DNAAF9: variants seen among roughly 807,000 people sequenced by gnomAD.
DNAAF9 encodes dynein axonemal assembly factor 9, also known as shulin.
Under a neutral mutation model 167.0 loss-of-function variants are expected in DNAAF9, and 90 were observed. That is an observed-to-expected ratio of 0.54 (90% CI 0.45 to 0.64). DNAAF9 has a LOEUF of 0.64. Among genes scored for constraint, DNAAF9 ranks in the 30% least tolerant of loss-of-function variants. The probability of loss-of-function intolerance (pLI) is 0.00; values close to 1 mark genes in which losing one functional copy is unlikely to be tolerated. For missense variants in DNAAF9, 1,315 were observed against 1,442.2 expected (o/e 0.91, Z 1.43); for synonymous variants, 491 against 508.8 (o/e 0.96, Z 0.47).
intron 20 of DNAAF9, chr20:3,306,935 C>T (rs2069308655): frequency 1.0e-6 from 1 of 985,220 alleles, no homozygotes; most frequent in African/African-American, 1.7e-5. Context: ...GAAACTGCTC[C>T]TGCTGCTGAG....
chr20:3,328,404 A>C (rs138437742), intron 12 of DNAAF9, among the ~76,000 whole-genome samples: 3 of 151,798 alleles, frequency 2.0e-5, no homozygotes, highest in African/African-American at 7.2e-5. Context: ...TTGGTTTCGA[A>C]CTCCTGACCT....
At chr20:3,355,998 A>T (rs564122549) in intron 7 of DNAAF9, among the ~76,000 whole-genome samples, 1 of 152,114 alleles carries the variant, frequency 6.6e-6, no homozygotes, top group East Asian at 1.9e-4. Context: ...TCATCACTAC[A>T]TTAAAACGTT....
At chr20:3,303,947 G>A (rs79020562) in intron 21 of DNAAF9, among the ~76,000 whole-genome samples, 5,201 of 152,324 alleles carry the variant, frequency 0.034, 140 homozygotes, top group African/African-American at 0.071. Flanking sequence ...TGAGGGAGGA[G>A]GGGCTAAACT....
rs1270639482 is a variant in DNAAF9, at chr20:3,384,950, A to G, written c.84-2444T>C. The stretch of plus-strand genomic sequence containing the variant: ...CAGAATTGATGGATATCCCAACTAC[A>G]CTAATTTGATCTTTATAAATTATAT... On this transcript the variant is annotated intron_variant, in intron 1 of 36. Transcript: ENST00000252032. Among the ~76,000 whole-genome samples, 3 of 152,156 alleles carry G rather than the reference A, an allele frequency of 2.0e-5. No homozygotes were observed. The East Asian group carries it at 5.8e-4, about 29-fold the overall frequency.
chr20:3,351,265 G>A (rs1423874176), intron 7 of DNAAF9, among the ~76,000 whole-genome samples: 2 of 152,122 alleles, frequency 1.3e-5, no homozygotes, highest in African/African-American at 4.8e-5. Context: ...GGCTAAGGCA[G>A]GCCTTAGCAC....
At chr20:3,312,272 G>A (rs964865582) in intron 20 of DNAAF9, among the ~76,000 whole-genome samples, 2 of 152,118 alleles carry the variant, frequency 1.3e-5, no homozygotes, top group African/African-American at 4.8e-5. Flanking sequence ...ACAGGCATGA[G>A]CCACCACACC....
In DNAAF9 at chr20:3,348,654, T is replaced by G. The variant is rs770461403; in HGVS notation, c.691-31A>C. On this transcript the variant is annotated intron_variant, in intron 7 of 36. Transcript: ENST00000252032. ...AAAAAAAGGAAAAAGATAACGTGTT[T>G]GGTCATATAAAGGAGGTATTTTAGA... The G allele has an allele frequency of 2.1e-6, 3 of 1,403,734 alleles. No individual in the cohort carries two copies. In the East Asian group the frequency reaches 6.9e-5, roughly 32 times the overall value. The allele number at this position is 1,403,734 out of a possible 1,614,324, so 87.0% of individuals were successfully genotyped here.
chr20:3,335,385 T>C (rs1279246498), intron 10 of DNAAF9, among the ~76,000 whole-genome samples: 8 of 152,200 alleles, frequency 5.3e-5, no homozygotes, highest in African/African-American at 1.9e-4. Context: ...ACAACTCTTC[T>C]CTTTCAGCAT....
rs1186212528 is a variant in DNAAF9, at chr20:3,316,798, AG to A, written c.1469-6del. The A allele has an allele frequency of 6.2e-7, 1 of 1,611,234 alleles. No homozygotes were observed. The highest frequency in any genetic ancestry group is 2.2e-5 in the East Asian group (1 of 44,826). On this transcript the variant is annotated splice_polypyrimidine_tract_variant and splice_region_variant and intron_variant, in intron 17 of 36. Transcript: ENST00000252032. ...TTTCTGTGGTAACAGTGCCATCTGCAGGAACACCACACACATGCCAGTTAAT... is the reference window on the plus strand; with the variant it reads ...TTTCTGTGGTAACAGTGCCATCTGCAGAACACCACACACATGCCAGTTAAT...
At position 3,358,089 on chromosome 20, in the gene DNAAF9, T is replaced by C. The variant is rs571159091; in HGVS notation, c.690+1427A>G. The stretch of plus-strand genomic sequence containing the variant: ...TTGTTCTTGAGGATTTTATTATAGG[T>C]ATGTTGCTTCATTTTTTTTTCTGCT... On this transcript the variant is annotated intron_variant, in intron 7 of 36. Coordinates refer to ENST00000252032, the MANE Select transcript of DNAAF9 (RefSeq NM_001009984.3). 7.9e-5 allele frequency among the ~76,000 whole-genome samples: 12 copies of C among 152,196 alleles called. No individual in the cohort carries two copies. In the South Asian group the frequency reaches 2.5e-3, roughly 32 times the overall value.
intron 12 of DNAAF9, among the ~76,000 whole-genome samples, chr20:3,326,747 CAAAA>C (rs5839993): frequency 5.1e-5 from 6 of 116,862 alleles, no homozygotes; most frequent in African/African-American, 3.2e-5. Context: ...GACCCTGTCT[CAAAA>C]AAAAAAAAAA....
At chr20:3,272,066 T>C (rs1322668414) in intron 29 of DNAAF9, among the ~76,000 whole-genome samples, 1 of 152,138 alleles carries the variant, frequency 6.6e-6, no homozygotes, top group Admixed American at 6.6e-5. Flanking sequence ...GCTCCCCTAC[T>C]GTATGATTTT....
intron 10 of DNAAF9, 68 bp downstream of exon 10, chr20:3,340,436 C>CCA: frequency 5.2e-6 from 1 of 192,366 alleles, no homozygotes; most frequent in Non-Finnish European, 1.1e-5. Flanking sequence ...GTCTAGCTCC[C>CCA]CCCACCCACC....
intron 7 of DNAAF9, among the ~76,000 whole-genome samples, 162 bp downstream of exon 7, chr20:3,359,354 T>C (rs923211936): frequency 3.3e-5 from 5 of 152,240 alleles, no homozygotes; most frequent in African/African-American, 9.6e-5. Flanking sequence ...GGTTCCTTTA[T>C]ACCCCCAAGG....
intron 10 of DNAAF9, among the ~76,000 whole-genome samples, chr20:3,335,778 A>AAT: frequency 7.0e-6 from 1 of 142,236 alleles, no homozygotes; most frequent in African/African-American, 2.7e-5. Flanking sequence ...AAAAAAAAAA[A>AAT]TTGTCTTCCC....
intron 12 of DNAAF9, among the ~76,000 whole-genome samples, chr20:3,326,899 G>C (rs2069721314): frequency 6.6e-6 from 1 of 151,934 alleles, no homozygotes; most frequent in Non-Finnish European, 1.5e-5. Flanking sequence ...TAGACTCCTT[G>C]ACTCCTCTAT....
intron 1 of DNAAF9, among the ~76,000 whole-genome samples, chr20:3,401,346 C>T (rs561491515): frequency 7.2e-5 from 11 of 152,236 alleles, no homozygotes; most frequent in Admixed American, 5.9e-4. Flanking sequence ...GCTGGGATTA[C>T]AGGCACCCGT....
At chr20:3,368,515 C>CTT (rs147303892) in intron 6 of DNAAF9, among the ~76,000 whole-genome samples, 8 of 127,142 alleles carry the variant, frequency 6.3e-5, no homozygotes, top group African/African-American at 8.7e-5. Flanking sequence ...TTCCTGGAAG[C>CTT]TTTTTTTTTT....
intron 15 of DNAAF9, 37 bp from the exon 16 acceptor site, chr20:3,322,299 G>A: frequency 6.8e-7 from 1 of 1,475,658 alleles, no homozygotes; most frequent in Non-Finnish European, 9.5e-7. Flanking sequence ...ATGTTAAAGA[G>A]TTTTTAAGTG....
Sources: gnomAD v4.1 joint callset for allele counts (sites outside exome capture counted in the v4.1 genomes callset) on GRCh38, gnomAD v4.1.1 for gene constraint, MANE v1.5 for transcripts, NCBI Gene and HGNC (gene_info 2026-07-23, HGNC 2026-07-21) for gene names.